Variants in ZRANB3 observed in about 807,000 individuals in gnomAD.
The protein encoded by ZRANB3 is zinc finger RANBP2-type containing 3, also known as DNA annealing helicase and endonuclease ZRANB3.
Under a neutral mutation model 133.8 loss-of-function variants are expected in ZRANB3, and 125 were observed. The observed-to-expected ratio is 0.93, with a 90% confidence interval of 0.81 to 1.08. The LOEUF (loss-of-function observed/expected upper bound fraction) is 1.08. Ranked by LOEUF, ZRANB3 falls within the 50% of genes least tolerant of loss-of-function variation. The pLI, the probability that ZRANB3 is intolerant of heterozygous loss-of-function variation, is 0.00. For synonymous variants in ZRANB3, 387 were observed against 432.7 expected, an observed-to-expected ratio of 0.89 and a Z score of 1.31; for missense variants, 1,229 against 1,275.5, an observed-to-expected ratio of 0.96 and a Z score of 0.56.
chr2:135,221,122 G>T (rs1694537831), intron 15 of ZRANB3, among the ~76,000 whole-genome samples: 1 of 152,116 alleles, frequency 6.6e-6, no homozygotes, highest in Non-Finnish European at 1.5e-5. Context: ...CTCCCAGAGT[G>T]TTGGGATTAC....
intron 6 of ZRANB3, 32 bp downstream of exon 6, chr2:135,345,518 G>C (rs1170857182): frequency 2.0e-6 from 3 of 1,496,976 alleles, no homozygotes; most frequent in Non-Finnish European, 2.8e-6. Context: ...AAACATGTGA[G>C]GAAAAAATTT....
chr2:135,472,576 T>A (rs1691318503), intron 2 of ZRANB3, among the ~76,000 whole-genome samples: 2 of 152,146 alleles, frequency 1.3e-5, no homozygotes, highest in African/African-American at 4.8e-5. Context: ...TGTCACTATT[T>A]GACTTTTTTC....
chr2:135,272,870 T>C (rs1317820984), intron 9 of ZRANB3, among the ~76,000 whole-genome samples: 3 of 152,044 alleles, frequency 2.0e-5, no homozygotes, highest in Admixed American at 2.0e-4. Flanking sequence ...GTTATCACTA[T>C]GTGTTAGAAT....
intron 3 of ZRANB3, among the ~76,000 whole-genome samples, chr2:135,381,302 G>A (rs1218698118): frequency 6.6e-6 from 1 of 152,232 alleles, no homozygotes; most frequent in Non-Finnish European, 1.5e-5. Context: ...AAGGCTGGGG[G>A]AGGAGCGTCC....
intron 10 of ZRANB3, chr2:135,271,436 G>A: frequency 2.1e-6 from 1 of 479,406 alleles, no homozygotes; most frequent in Non-Finnish European, 4.3e-6. Context: ...TTGGATATAA[G>A]ACAGGTATAA....
chr2:135,513,272 A>G (rs1248091913), intron 1 of ZRANB3, among the ~76,000 whole-genome samples: 3 of 152,218 alleles, frequency 2.0e-5, no homozygotes, highest in Non-Finnish European at 4.4e-5. Context: ...CTTGAAAATG[A>G]ACAAAGCTAG....
At chr2:135,270,157 A>T (rs895742139) in intron 10 of ZRANB3, among the ~76,000 whole-genome samples, 1 of 152,228 alleles carries the variant, frequency 6.6e-6, no homozygotes. Context: ...CAAATATATT[A>T]AACTGTACTG....
intron 2 of ZRANB3, among the ~76,000 whole-genome samples, chr2:135,402,092 G>C (rs1409727738): frequency 1.3e-5 from 2 of 151,378 alleles, no homozygotes; most frequent in Non-Finnish European, 1.5e-5. Context: ...ACCTAGTTTT[G>C]GTGTGTACAT....
At chr2:135,494,112 G>T (rs1356080270) in intron 2 of ZRANB3, among the ~76,000 whole-genome samples, 2 of 145,536 alleles carry the variant, frequency 1.4e-5, no homozygotes, top group African/African-American at 5.1e-5. Context: ...AAAGGAGGGA[G>T]GGAGGGAGGA....
chr2:135,226,708 C>T lies in ZRANB3; in HGVS notation c.2158+1104G>A, dbSNP rs545914975. Among the ~76,000 whole-genome samples the T allele has an allele frequency of 2.2e-3, 328 of 152,292 alleles. 1 individual carries two copies. Among genetic ancestry groups the T allele is most frequent in the African/African-American group, 7.4e-3 (306 of 41,564 alleles). On this transcript the variant is annotated intron_variant, in intron 14 of 20. Transcript: ENST00000264159. ...AAGAGACTCATAGCCCAGGTGATGACAATTGCCAGGTGTTGGTTCCTAGTC... is the reference window on the plus strand; with the variant it reads ...AAGAGACTCATAGCCCAGGTGATGATAATTGCCAGGTGTTGGTTCCTAGTC...
intron 2 of ZRANB3, among the ~76,000 whole-genome samples, chr2:135,470,749 T>C (rs1691223246): frequency 6.6e-6 from 1 of 150,862 alleles, no homozygotes; most frequent in Admixed American, 6.6e-5. Context: ...AAATACGGAG[T>C]CAAGCTTTTT....
intron 3 of ZRANB3, among the ~76,000 whole-genome samples, chr2:135,373,062 A>G: frequency 6.6e-6 from 1 of 151,542 alleles, no homozygotes. Context: ...CCATCTCGAA[A>G]AAAAAAAAAA....
chr2:135,510,463 C>G (rs1693402915), intron 1 of ZRANB3: 1 of 509,556 alleles, frequency 2.0e-6, no homozygotes, highest in Non-Finnish European at 3.6e-6. Context: ...GGGTCATACT[C>G]CAAGATACCA....
At chr2:135,311,675 A>G (rs1009866961) in intron 8 of ZRANB3, among the ~76,000 whole-genome samples, 3 of 152,098 alleles carry the variant, frequency 2.0e-5, no homozygotes, top group Admixed American at 2.0e-4. Flanking sequence ...CCTAGAGCCC[A>G]GGTGTTCGAA....
chr2:135,219,783 A>G (rs1694458840), intron 15 of ZRANB3, among the ~76,000 whole-genome samples: 1 of 152,232 alleles, frequency 6.6e-6, no homozygotes, highest in Non-Finnish European at 1.5e-5. Context: ...GTATCAGTCA[A>G]TGAGGACTGT....
intron 3 of ZRANB3, among the ~76,000 whole-genome samples, chr2:135,388,508 T>C (rs1218206431): frequency 6.6e-6 from 1 of 152,232 alleles, no homozygotes; most frequent in African/African-American, 2.4e-5. Context: ...GTGGAAATCA[T>C]AAAGGATGCT....
At chr2:135,362,990 C>A (rs1685757204) in intron 3 of ZRANB3, among the ~76,000 whole-genome samples, 1 of 151,990 alleles carries the variant, frequency 6.6e-6, no homozygotes, top group Admixed American at 6.6e-5. Flanking sequence ...TCCTGAAACC[C>A]TTCTGTAAGT....
At chr2:135,500,195 T>C (rs147902325) in intron 2 of ZRANB3, among the ~76,000 whole-genome samples, 2 of 151,114 alleles carry the variant, frequency 1.3e-5, no homozygotes, top group African/African-American at 4.9e-5. Flanking sequence ...TATGCTTTTA[T>C]GATAGTCCTA....
chr2:135,237,604 T>C (rs1261398501), intron 12 of ZRANB3, among the ~76,000 whole-genome samples: 1 of 151,684 alleles, frequency 6.6e-6, no homozygotes, highest in African/African-American at 2.4e-5. Flanking sequence ...TGGAATACTA[T>C]GCAGCCATAA....
Sources: gnomAD v4.1 joint callset for allele counts (sites outside exome capture counted in the v4.1 genomes callset) on GRCh38, gnomAD v4.1.1 for gene constraint, MANE v1.5 for transcripts, NCBI Gene and HGNC (gene_info 2026-07-23, HGNC 2026-07-21) for gene names.